The following TM7SF3 variants were observed in gnomAD, a reference collection of about 807,000 sequenced individuals.
TM7SF3 encodes the protein seven span transmembrane protein.
A neutral mutation model predicts 65.5 loss-of-function variants in TM7SF3; 60 were observed. The ratio of observed to expected loss-of-function variants is 0.92; its 90% CI spans 0.74 to 1.14. The LOEUF is 1.14. TM7SF3 is among the 50% of genes most tolerant of loss of function. The pLI is 0.00. For synonymous variants in TM7SF3, 264 were observed against 259.6 expected (o/e 1.02, Z -0.16); for missense variants, 623 against 684.8 (o/e 0.91, Z 1.01).
chr12:26,978,003 A>G (rs1324751720), intron 9 of TM7SF3: 5 of 395,972 alleles, frequency 1.3e-5, no homozygotes, highest in Non-Finnish European at 2.0e-5. Flanking sequence ...GGCTGATGTA[A>G]GAGGATGGCT....
intron 1 of TM7SF3, 102 bp downstream of exon 1, chr12:27,013,976 G>T: frequency 1.0e-6 from 1 of 993,826 alleles, no homozygotes; most frequent in Non-Finnish European, 1.6e-6. Flanking sequence ...AACGCCCCCA[G>T]CACCATCTCC....
chr12:27,012,344 C>T (rs1941276638), intron 1 of TM7SF3, among the ~76,000 whole-genome samples: 1 of 151,922 alleles, frequency 6.6e-6, no homozygotes, highest in African/African-American at 2.4e-5. Flanking sequence ...ATGTTAGTGC[C>T]CTATTATAAG....
chr12:27,000,532 T>TG (rs1211391018), intron 2 of TM7SF3, among the ~76,000 whole-genome samples: 1 of 152,276 alleles, frequency 6.6e-6, no homozygotes, highest in South Asian at 2.1e-4. Flanking sequence ...CGATCTCAGC[T>TG]TACTACAAGC....
intron 6 of TM7SF3, among the ~76,000 whole-genome samples, chr12:26,986,577 A>C (rs1425155877): frequency 6.6e-6 from 1 of 152,028 alleles, no homozygotes; most frequent in Non-Finnish European, 1.5e-5. Context: ...CTGTGCTTTA[A>C]CTAGTGTCAC....
rs568044076 is a variant in TM7SF3, at chr12:27,006,224, C to T, written c.92-2834G>A. Among the ~76,000 whole-genome samples, 23 of 148,950 alleles carry T rather than the reference C, an allele frequency of 1.5e-4. No individual in the cohort carries two copies. In the South Asian group the frequency reaches 4.9e-3, roughly 32 times the overall value. On this transcript the variant is annotated intron_variant, in intron 1 of 11. Transcript: ENST00000343028. ...CGCAATCTTAGCTCACTGAAATCTC[C>T]ACCTCCAGGTTCAAGCAATTCTCCT...
chr12:26,998,211 G>A (rs1475072247), intron 3 of TM7SF3, among the ~76,000 whole-genome samples: 1 of 152,050 alleles, frequency 6.6e-6, no homozygotes, highest in South Asian at 2.1e-4. Context: ...TTATTCCTCA[G>A]GAGTTATTAT....
In TM7SF3 at chr12:26,973,701, T is replaced by C; in HGVS notation, c.*264A>G. 1 of 377,244 alleles carries C rather than the reference T, an allele frequency of 2.7e-6. No individual in the cohort carries two copies. The highest frequency in any genetic ancestry group is 4.7e-6 in the Non-Finnish European group (1 of 212,132). The allele number at this position is 377,244 out of a possible 1,614,324, so 23.4% of individuals were successfully genotyped here. ...TTTAATGGAATAAGTTGATCATAGA[T>C]TTGTAAACCAAAAGGTAATTTCTCA... On this transcript the variant is annotated 3_prime_UTR_variant, in exon 12 of 12. Transcript: ENST00000343028.
chr12:26,990,424 G>C (rs1565876225), intron 6 of TM7SF3, 26 bp downstream of exon 6: 1 of 1,580,138 alleles, frequency 6.3e-7, no homozygotes, highest in Non-Finnish European at 8.7e-7. Context: ...AGGAGAATTT[G>C]TAAAAGTTTA....
In TM7SF3 at chr12:26,982,753, A is replaced by C. The variant is rs772768641; in HGVS notation, c.955+20T>G. 1.3e-6 allele frequency: 2 copies of C among 1,564,380 alleles called. No individual in the cohort carries two copies. The highest frequency in any genetic ancestry group is 4.5e-5 in the East Asian group (2 of 44,416). ...GAAAAGACTGCAAAATGGAAATAGCAACTACATTGGACATAATACCTGTTT... is the reference window on the plus strand; with the variant it reads ...GAAAAGACTGCAAAATGGAAATAGCCACTACATTGGACATAATACCTGTTT... On this transcript the variant is annotated intron_variant, in intron 7 of 11. Coordinates refer to ENST00000343028, the MANE Select transcript of TM7SF3 (RefSeq NM_016551.3).
At chr12:26,991,141 C>CTTTTTTTTTTTTTTTT (rs35362439) in intron 5 of TM7SF3, among the ~76,000 whole-genome samples, 1 of 107,484 alleles carries the variant, frequency 9.3e-6, no homozygotes, top group African/African-American at 3.4e-5. Context: ...AGTAGTAGTT[C>CTTTTTTTTTTTTTTTT]TTTTTTTTTT....
chr12:26,985,806 G>A (rs372614759), intron 6 of TM7SF3, among the ~76,000 whole-genome samples: 2 of 52,818 alleles, frequency 3.8e-5, no homozygotes, highest in Admixed American at 3.5e-4. Context: ...TTTCTTTTTC[G>A]TTTTTTTTTT....
Position 26,973,673 on chromosome 12 carries a change from CTATT to C in TM7SF3, c.*288_*291del. On this transcript the variant is annotated 3_prime_UTR_variant, in exon 12 of 12. Coordinates refer to ENST00000343028, the MANE Select transcript of TM7SF3 (RefSeq NM_016551.3). Reference sequence around the variant, plus strand: ...TCAGTTTTTAATTTTTTTAATGTATCTATTTAATGGAATAAGTTGATCATAGATT... The same window carrying C: ...TCAGTTTTTAATTTTTTTAATGTATCTAATGGAATAAGTTGATCATAGATT... The C allele has an allele frequency of 3.5e-6, 1 of 282,876 alleles. No homozygotes were observed. Among genetic ancestry groups the C allele is most frequent in the African/African-American group, 2.2e-5 (1 of 45,678 alleles). The allele number at this position is 282,876 out of a possible 1,614,324, so 17.5% of individuals were successfully genotyped here. A position where few individuals can be genotyped will look rare whatever the true frequency, so the allele number is the denominator to read the frequency against.
intron 6 of TM7SF3, among the ~76,000 whole-genome samples, chr12:26,988,301 C>T (rs942924918): frequency 2.0e-5 from 3 of 151,994 alleles, no homozygotes; most frequent in African/African-American, 7.3e-5. Flanking sequence ...GTAGCTGGAA[C>T]GACAGGCATG....
chr12:26,972,066 A>G lies in TM7SF3; in HGVS notation c.*1899T>C, dbSNP rs1190397020. 1.3e-5 allele frequency: 2 copies of G among 152,202 alleles called. No individual in the cohort carries two copies. Among genetic ancestry groups the G allele is most frequent in the African/African-American group, 4.8e-5 (2 of 41,448 alleles). The allele number at this position is 152,202 out of a possible 1,614,324, so 9.4% of individuals were successfully genotyped here. A position where few individuals can be genotyped will look rare whatever the true frequency, so the allele number is the denominator to read the frequency against. On this transcript the variant is annotated 3_prime_UTR_variant, in exon 12 of 12. Transcript: ENST00000343028. ...TGCAACAACATTCCACAACCCTAATACCACTCAGGCCTGCAGAGTCACCAG... is the reference window on the plus strand; with the variant it reads ...TGCAACAACATTCCACAACCCTAATGCCACTCAGGCCTGCAGAGTCACCAG...
At chr12:26,980,756 C>A in intron 7 of TM7SF3, 110 bp from the exon 8 acceptor site, 1 of 575,278 alleles carries the variant, frequency 1.7e-6, no homozygotes, top group Non-Finnish European at 3.0e-6. Flanking sequence ...CATGCTTAAG[C>A]TCCTGGAATT....
In TM7SF3 at chr12:26,974,057, A is replaced by C. The variant is rs780172209; in HGVS notation, c.1621T>G (p.Leu541Val). The change falls in exon 12 of 12, where the codon TTG (leucine) becomes GTG (valine). Residue 541 changes from leucine to valine, a missense_variant. Physicochemically the swap from Leu to Val is conservative, Grantham distance 32 (BLOSUM62 1). Coordinates refer to ENST00000343028, the MANE Select transcript of TM7SF3 (RefSeq NM_016551.3). ...AATCGGCCATAGAGCCTCTCTCTCA[A>C]TGGAGGAATGTGGTAGCTAGGGTCC... ...ILDPSYHIPP[L>V]RERLYGRLTQ... 6 of 1,614,082 alleles carry C rather than the reference A, an allele frequency of 3.7e-6. No homozygotes were observed. The highest frequency in any genetic ancestry group is 5.1e-6 in the Non-Finnish European group (6 of 1,180,006).
At chr12:26,975,349 AG>A (rs1855155118) in intron 11 of TM7SF3, 146 bp downstream of exon 11, 2 of 647,058 alleles carry the variant, frequency 3.1e-6, no homozygotes, top group Non-Finnish European at 2.6e-6. Context: ...ATCATAACAG[AG>A]GGTTCTCACA....
chr12:26,992,444 C>A (rs1191102947), intron 5 of TM7SF3, among the ~76,000 whole-genome samples: 1 of 152,058 alleles, frequency 6.6e-6, no homozygotes, highest in Non-Finnish European at 1.5e-5. Context: ...ACCACTACGC[C>A]CAGCTAATTT....
At chr12:26,997,462 G>A (rs1195190794) in intron 3 of TM7SF3, among the ~76,000 whole-genome samples, 1 of 152,090 alleles carries the variant, frequency 6.6e-6, no homozygotes, top group Admixed American at 6.6e-5. Flanking sequence ...TGGTATGTAT[G>A]CCAGCTGAAG....
Sources: gnomAD v4.1 joint callset for allele counts (sites outside exome capture counted in the v4.1 genomes callset) on GRCh38, gnomAD v4.1.1 for gene constraint, MANE v1.5 for transcripts, NCBI Gene and HGNC (gene_info 2026-07-23, HGNC 2026-07-21) for gene names.